PXDN: variants seen among roughly 807,000 people sequenced by gnomAD.
The protein encoded by PXDN is peroxidasin, also known as peroxidasin homolog.
PXDN carries 77 observed loss-of-function variants against 140.3 expected under a neutral mutation model. The observed-to-expected ratio is 0.55, with a 90% confidence interval of 0.46 to 0.66. PXDN has a LOEUF of 0.66. Among genes scored for constraint, PXDN ranks in the 30% least tolerant of loss-of-function variants. The pLI is 0.00. For synonymous variants in PXDN, 911 were observed against 857.4 expected, an observed-to-expected ratio of 1.06 and a Z score of -1.09; for missense variants, 1,838 against 2,039.5, an observed-to-expected ratio of 0.90 and a Z score of 1.90.
intron 21 of PXDN, 113 bp from the exon 22 acceptor site, chr2:1,635,634 G>A: frequency 1.2e-6 from 1 of 841,108 alleles, no homozygotes. Flanking sequence ...AACAACATTT[G>A]AGGGGAATAT....
At position 1,663,779 on chromosome 2, in the gene PXDN, C is replaced by T. The variant is rs111530699; in HGVS notation, c.1409-16G>A. The T allele has an allele frequency of 1.3e-4, 202 of 1,609,678 alleles. No individual in the cohort carries two copies. The African/African-American group carries it at 1.9e-3, about 15-fold the overall frequency. On this transcript the variant is annotated splice_polypyrimidine_tract_variant and intron_variant, in intron 11 of 22. Transcript: ENST00000252804. ...AGCTGGCTCCCTGCAAGGGCATGGG[C>T]CCGTTACACTGGACACTCGGACGCA...
In PXDN at chr2:1,714,318, C is replaced by T. The variant is rs1245298247; in HGVS notation, c.201-21184G>A. Among the ~76,000 whole-genome samples, 1 of 152,210 alleles carries T rather than the reference C, an allele frequency of 6.6e-6. No individual in the cohort carries two copies. The highest frequency in any genetic ancestry group is 1.5e-5 in the Non-Finnish European group (1 of 68,048). ...AGGAGCCACTCTTGGGAAGGTTCCC[C>T]TGTCCCCCGATGGTCCGGCACCCTG... On this transcript the variant is annotated intron_variant, in intron 1 of 22. Transcript: ENST00000252804. The surrounding 1 kb of genome is among the most constrained non-coding windows in gnomAD (Gnocchi z 4.3).
chr2:1,661,909 G>C (rs1031819931), intron 13 of PXDN, among the ~76,000 whole-genome samples, 163 bp downstream of exon 13: 2 of 152,216 alleles, frequency 1.3e-5, no homozygotes, highest in Non-Finnish European at 1.5e-5. Flanking sequence ...TATAGAGGAA[G>C]TGGGCAGGCA....
chr2:1,686,201 C>G (rs1338283649), intron 4 of PXDN, among the ~76,000 whole-genome samples: 1 of 152,226 alleles, frequency 6.6e-6, no homozygotes, highest in Non-Finnish European at 1.5e-5. Flanking sequence ...ATCCCCTCCC[C>G]AACAGCTCCC....
At chr2:1,732,493 G>C (rs1242952091) in intron 1 of PXDN, among the ~76,000 whole-genome samples, 4 of 152,218 alleles carry the variant, frequency 2.6e-5, no homozygotes, top group African/African-American at 9.6e-5. Context: ...TCATCAGCCA[G>C]ACTGAAAACC....
chr2:1,658,459 C>T (rs891421147), intron 14 of PXDN, among the ~76,000 whole-genome samples: 6 of 152,014 alleles, frequency 3.9e-5, no homozygotes, highest in African/African-American at 1.4e-4. Flanking sequence ...GCCAGGCCCC[C>T]TCAGATCTGC....
chr2:1,729,570 AG>A lies in PXDN; in HGVS notation c.200+14685del, dbSNP rs940150382. On this transcript the variant is annotated intron_variant, in intron 1 of 22. Coordinates refer to ENST00000252804, the MANE Select transcript of PXDN (RefSeq NM_012293.3). The stretch of plus-strand genomic sequence containing the variant: ...GAATGTTCCTACAGCAGGGTGGGGG[AG>A]GGGGGTGAGGGATAAAAGTCTACAC... Among the ~76,000 whole-genome samples, 113 of 132,234 alleles carry A rather than the reference AG, an allele frequency of 8.5e-4. 1 individual carries two copies. Among genetic ancestry groups the A allele is most frequent in the Admixed American group, 4.0e-3 (58 of 14,444 alleles). The allele number at this position is 132,234 out of a possible 152,430, so 86.8% of individuals were successfully genotyped here.
chr2:1,679,554 GGT>G (rs766060050), intron 7 of PXDN, among the ~76,000 whole-genome samples: 2 of 136,978 alleles, frequency 1.5e-5, no homozygotes, highest in African/African-American at 2.7e-5. Flanking sequence ...GTCTATAAAT[GGT>G]GTGTGTGTAA....
intron 16 of PXDN, chr2:1,653,197 C>T (rs1410847778): frequency 3.4e-6 from 1 of 298,054 alleles, no homozygotes; most frequent in African/African-American, 2.2e-5. Flanking sequence ...CAGCTGGTTT[C>T]ACAGACCCGG....
Position 1,653,768 on chromosome 2 carries a change from T to A in PXDN, c.1964A>T (p.Asn655Ile), listed in dbSNP as rs773445177. The A allele has an allele frequency of 1.1e-5, 17 of 1,580,340 alleles. No homozygotes were observed. The East Asian group carries it at 3.7e-4, about 34-fold the overall frequency. Residue 655 changes from asparagine to isoleucine, a missense_variant, in exon 16 of 23, where the codon AAT (asparagine) becomes ATT (isoleucine). Asn to Ile is a moderately radical substitution (Grantham distance 149). Transcript: ENST00000252804. ...HLFDSRPRSP[N>I]DLLALFRYPR... Reference sequence around the variant, plus strand: ...ATACCGGAACAAGGCCAGCAAATCATTTGGAGAACGAGGACGGCTAACCAG... The same window carrying A: ...ATACCGGAACAAGGCCAGCAAATCAATTGGAGAACGAGGACGGCTAACCAG...
At chr2:1,683,189 C>T (rs984024721) in intron 6 of PXDN, among the ~76,000 whole-genome samples, 5 of 151,116 alleles carry the variant, frequency 3.3e-5, no homozygotes, top group Non-Finnish European at 7.4e-5. Flanking sequence ...CAAGACCAAC[C>T]TGGGCAACAT....
Position 1,633,128 on chromosome 2 carries a change from A to G in PXDN, c.*1076T>C, listed in dbSNP as rs1682454277. The G allele has an allele frequency of 1.3e-5, 2 of 152,090 alleles. No individual in the cohort carries two copies. The highest frequency in any genetic ancestry group is 2.9e-5 in the Non-Finnish European group (2 of 67,974). The allele number at this position is 152,090 out of a possible 1,614,324, so 9.4% of individuals were successfully genotyped here. A position where few individuals can be genotyped will look rare whatever the true frequency, so the allele number is the denominator to read the frequency against. On this transcript the variant is annotated 3_prime_UTR_variant, in exon 23 of 23. Transcript: ENST00000252804. Reference sequence around the variant, plus strand: ...AAAAATGGACACAATTTCATAAAACATCACGCATTTTAAAAATACAAATGA... The same window carrying G: ...AAAAATGGACACAATTTCATAAAACGTCACGCATTTTAAAAATACAAATGA...
intron 14 of PXDN, among the ~76,000 whole-genome samples, chr2:1,658,062 CTCTCTCTCTCTCTCTCTCT>C (rs1558494372): frequency 0.012 from 1,275 of 110,762 alleles, 198 homozygotes; most frequent in African/African-American, 0.034. Context: ...CTCTCTCTCT[CTCTCTCTCTCTCTCTCTCT>C]CTCTCTCTCT....
At chr2:1,650,704 T>C (rs994469383) in intron 16 of PXDN, among the ~76,000 whole-genome samples, 2 of 152,000 alleles carry the variant, frequency 1.3e-5, no homozygotes, top group African/African-American at 4.8e-5. Context: ...CACACACACA[T>C]GCACGCTTAA....
At chr2:1,664,846 C>T (rs558067797) in intron 11 of PXDN, 112 bp downstream of exon 11, 4 of 932,884 alleles carry the variant, frequency 4.3e-6, no homozygotes, top group Admixed American at 2.5e-5. Flanking sequence ...GAATCCAGTC[C>T]CAGCTCAGCC....
At chr2:1,710,760 C>T (rs1453761092) in intron 1 of PXDN, among the ~76,000 whole-genome samples, 1 of 97,264 alleles carries the variant, frequency 1.0e-5, no homozygotes, top group Admixed American at 9.8e-5. Context: ...CACCAGCACC[C>T]ACTCCACCAG....
At chr2:1,710,652 ACT>A (rs1684737627) in intron 1 of PXDN, among the ~76,000 whole-genome samples, 1 of 81,352 alleles carries the variant, frequency 1.2e-5, no homozygotes, top group Non-Finnish European at 2.5e-5. Context: ...ATGAACACCC[ACT>A]CTCCACCAGC....
At position 1,706,047 on chromosome 2, in the gene PXDN, C is replaced by T. The variant is rs557380367; in HGVS notation, c.201-12913G>A. ...TCTGATCCAGCTTCTTCAGGGTCTCCAGACCTCAGTCAGAGCGAGAACTTG... is the reference window on the plus strand; with the variant it reads ...TCTGATCCAGCTTCTTCAGGGTCTCTAGACCTCAGTCAGAGCGAGAACTTG... On this transcript the variant is annotated intron_variant, in intron 1 of 22. Transcript: ENST00000252804. 2.0e-5 allele frequency among the ~76,000 whole-genome samples: 3 copies of T among 152,294 alleles called. No homozygotes were observed. The South Asian group carries it at 6.2e-4, about 32-fold the overall frequency.
At position 1,648,038 on chromosome 2, in the gene PXDN, G is replaced by T; in HGVS notation, c.3608+134C>A. 1 of 1,272,286 alleles carries T rather than the reference G, an allele frequency of 7.9e-7. No individual in the cohort carries two copies. Among genetic ancestry groups the T allele is most frequent in the Non-Finnish European group, 1.1e-6 (1 of 913,850 alleles). The allele number at this position is 1,272,286 out of a possible 1,614,324, so 78.8% of individuals were successfully genotyped here. ...TGCAGGTTCCCATCTTGACCTTCATGGACTTGACCTTCATCTCACCTCTGC... is the reference window on the plus strand; with the variant it reads ...TGCAGGTTCCCATCTTGACCTTCATTGACTTGACCTTCATCTCACCTCTGC... On this transcript the variant is annotated intron_variant, in intron 17 of 22. Transcript: ENST00000252804. This position sits in a 1 kb window ranked among gnomAD's most constrained non-coding sequence, Gnocchi z 8.9.
Sources: allele counts gnomAD v4.1 joint callset (sites outside exome capture counted in the v4.1 genomes callset), GRCh38; gene constraint gnomAD v4.1.1; non-coding constraint Gnocchi (gnomAD v3.1); transcripts MANE v1.5; gene names NCBI Gene and HGNC (gene_info 2026-07-23, HGNC 2026-07-21).